The following DIAPH2 variants were observed in gnomAD, a reference collection of about 807,000 sequenced individuals.
DIAPH2 encodes diaphanous related formin 2, also known as protein diaphanous homolog 2.
Under a neutral mutation model 92.7 loss-of-function variants are expected in DIAPH2, and 35 were observed. That is an observed-to-expected ratio of 0.38 (90% CI 0.29 to 0.50). The LOEUF is 0.50. Ranked by LOEUF, DIAPH2 falls within the 20% of genes least tolerant of loss-of-function variation. The probability of loss-of-function intolerance (pLI) is 0.94; values close to 1 mark genes in which losing one functional copy is unlikely to be tolerated. For synonymous variants in DIAPH2, 301 were observed against 280.4 expected, an observed-to-expected ratio of 1.07 and a Z score of -0.73; for missense variants, 701 against 819.5, an observed-to-expected ratio of 0.86 and a Z score of 1.77.
chrX:97,528,833 G>C (rs754573645), intron 26 of DIAPH2: 1 of 111,442 alleles, frequency 9.0e-6, no homozygotes, highest in Non-Finnish European at 1.9e-5. Flanking sequence ...GAGAAACATA[G>C]AGAAAAAAAG....
intron 26 of DIAPH2, among the ~76,000 whole-genome samples, chrX:97,570,111 T>C (rs1469870726): frequency 7.7e-4 from 25 of 32,463 alleles, no homozygotes; most frequent in Non-Finnish European, 1.3e-3. Context: ...TATATATATA[T>C]ATATATATAT....
intron 21 of DIAPH2, among the ~76,000 whole-genome samples, chrX:97,126,324 A>G (rs191470864): frequency 1.5e-4 from 17 of 112,053 alleles, no homozygotes; most frequent in Admixed American, 2.8e-4. Flanking sequence ...GCATTGCACA[A>G]CCTTAACAAG....
chrX:97,126,086 G>A (rs908496316), intron 21 of DIAPH2, among the ~76,000 whole-genome samples: 1 of 111,721 alleles, frequency 9.0e-6, no homozygotes, highest in African/African-American at 3.3e-5. Context: ...ATAATCTTAT[G>A]ACTGATTTTG....
At position 97,395,141 on chromosome X, in the gene DIAPH2, C is replaced by A. The variant is rs754300433; in HGVS notation, c.3145+11097C>A. Among the ~76,000 whole-genome samples, 5 of 111,763 alleles carry A rather than the reference C, an allele frequency of 4.5e-5. No homozygotes were observed. In the East Asian group the frequency reaches 1.4e-3, roughly 31 times the overall value. ...TTGATAATAATAATTATTTAGTGAA[C>A]ATATCAAGGAAAATTATCAATGGCA... On this transcript the variant is annotated intron_variant, in intron 25 of 26. Coordinates refer to ENST00000324765, the MANE Select transcript of DIAPH2 (RefSeq NM_006729.5).
intron 5 of DIAPH2, among the ~76,000 whole-genome samples, chrX:96,891,589 T>C (rs1752854062): frequency 8.9e-6 from 1 of 112,277 alleles, no homozygotes; most frequent in Non-Finnish European, 1.9e-5. Context: ...CAATACATTT[T>C]ATGAAGATCC....
chrX:97,230,457 C>T (rs1055462158), intron 22 of DIAPH2, among the ~76,000 whole-genome samples: 7 of 112,164 alleles, frequency 6.2e-5, no homozygotes, highest in African/African-American at 2.3e-4. Context: ...GCTCCATCCT[C>T]CTGCCAAGCA....
At chrX:96,778,166 AATG>A (rs764670661) in intron 4 of DIAPH2, among the ~76,000 whole-genome samples, 8 of 108,367 alleles carry the variant, frequency 7.4e-5, no homozygotes, top group African/African-American at 2.4e-4. Flanking sequence ...GTTTGCTGAG[AATG>A]ATGGTTTCCA....
chrX:97,359,568 A>ATTT (rs2069302612), intron 24 of DIAPH2, among the ~76,000 whole-genome samples: 1 of 95,954 alleles, frequency 1.0e-5, no homozygotes, highest in African/African-American at 4.1e-5. Context: ...AACATGGATA[A>ATTT]TCTTTTTTTT....
intron 25 of DIAPH2, among the ~76,000 whole-genome samples, chrX:97,414,268 A>G (rs2069915006): frequency 9.0e-6 from 1 of 111,674 alleles, no homozygotes; most frequent in African/African-American, 3.3e-5. Flanking sequence ...CAACCATCTG[A>G]TCTTTGACAA....
rs1565829 is a variant in DIAPH2, at chrX:96,991,539, G to C, written c.2050+26332G>C. ...AAACCAAGGTATCCTGTTTTATGGT[G>C]TTTTTTTTTTTTTTTTTTACTATGT... is the stretch of plus-strand genomic sequence containing the variant. On this transcript the variant is annotated intron_variant, in intron 17 of 26. Coordinates refer to ENST00000324765, the MANE Select transcript of DIAPH2 (RefSeq NM_006729.5). Among the ~76,000 whole-genome samples the C allele has an allele frequency of 3.9e-3, 338 of 87,134 alleles. 4 individuals are homozygous for C. Among genetic ancestry groups the C allele is most frequent in the Middle Eastern group, 0.013 (2 of 149 alleles). The allele number at this position is 87,134 out of a possible 115,157, so 75.7% of individuals were successfully genotyped here.
At chrX:97,580,113 A>G (rs2071428429) in intron 26 of DIAPH2, among the ~76,000 whole-genome samples, 3 of 110,883 alleles carry the variant, frequency 2.7e-5, no homozygotes, top group Non-Finnish European at 5.7e-5. Context: ...GTCATCTGCA[A>G]ACAGGGACAA....
At chrX:96,752,751 T>G (rs1033416869) in intron 3 of DIAPH2, among the ~76,000 whole-genome samples, 5 of 111,900 alleles carry the variant, frequency 4.5e-5, no homozygotes, top group African/African-American at 9.8e-5. Context: ...CAACACAGTT[T>G]ATGTAGCAAA....
At chrX:97,243,201 A>C (rs1007446753) in intron 22 of DIAPH2, among the ~76,000 whole-genome samples, 16 of 110,088 alleles carry the variant, frequency 1.5e-4, no homozygotes, top group South Asian at 7.8e-4. Flanking sequence ...GTCAGCCCTG[A>C]CGGAGACAAC....
chrX:96,807,542 A>C (rs765048935), intron 4 of DIAPH2, among the ~76,000 whole-genome samples: 15 of 110,919 alleles, frequency 1.4e-4, no homozygotes, highest in Non-Finnish European at 2.1e-4. Flanking sequence ...TTTCGAATTG[A>C]TTACACTTAA....
intron 26 of DIAPH2, among the ~76,000 whole-genome samples, chrX:97,566,738 A>T (rs1348742110): frequency 2.7e-5 from 3 of 111,780 alleles, no homozygotes; most frequent in Non-Finnish European, 5.6e-5. Context: ...GTAGCGACAT[A>T]TATGTATTGT....
intron 4 of DIAPH2, among the ~76,000 whole-genome samples, chrX:96,772,318 C>T (rs188701733): frequency 5.3e-4 from 59 of 111,705 alleles, no homozygotes; most frequent in Non-Finnish European, 1.1e-3. Context: ...TCTGTAGGTT[C>T]GTGCATCAGT....
At chrX:96,966,148 G>T (rs1324881591) in intron 17 of DIAPH2, among the ~76,000 whole-genome samples, 1 of 111,197 alleles carries the variant, frequency 9.0e-6, no homozygotes, top group Non-Finnish European at 1.9e-5. Context: ...TGTATTTGTT[G>T]TTCTTTGTAA....
chrX:96,768,394 C>T (rs1812136042), intron 4 of DIAPH2, among the ~76,000 whole-genome samples: 1 of 111,814 alleles, frequency 8.9e-6, no homozygotes, highest in Admixed American at 9.5e-5. Context: ...CCTCTCTAGA[C>T]TCAGTTTCAT....
chrX:96,850,859 G>A (rs1397031311), intron 4 of DIAPH2, among the ~76,000 whole-genome samples: 3 of 111,949 alleles, frequency 2.7e-5, no homozygotes, highest in African/African-American at 9.8e-5. Context: ...ACAAATGCTC[G>A]TTTAAATAGC....
Sources: gnomAD v4.1 joint callset for allele counts (sites outside exome capture counted in the v4.1 genomes callset) on GRCh38, gnomAD v4.1.1 for gene constraint, MANE v1.5 for transcripts, NCBI Gene and HGNC (gene_info 2026-07-23, HGNC 2026-07-21) for gene names.